SEC22C: variants seen among roughly 807,000 people sequenced by gnomAD.
SEC22C encodes the protein SEC22 homolog C, vesicle trafficking protein.
A neutral mutation model predicts 34.7 loss-of-function variants in SEC22C; 29 were observed. That is an observed-to-expected ratio of 0.84 (90% CI 0.62 to 1.14). The LOEUF (loss-of-function observed/expected upper bound fraction) is 1.14, where lower values mean the gene tolerates loss of function less well. Among genes scored for constraint, SEC22C ranks in the 50% most tolerant of loss-of-function variants. The pLI is 0.00. For missense variants in SEC22C, 337 were observed against 369.0 expected (o/e 0.91, Z 0.71); for synonymous variants, 117 against 132.8 (o/e 0.88, Z 0.82).
intron 1 of SEC22C, among the ~76,000 whole-genome samples, chr3:42,590,144 G>A (rs932814644): frequency 1.1e-4 from 17 of 152,210 alleles, no homozygotes; most frequent in Admixed American, 3.9e-4. Context: ...AGGCTATGTG[G>A]AAAAACGCGA....
At chr3:42,561,603 G>A (rs983926240) in intron 3 of SEC22C, among the ~76,000 whole-genome samples, 2 of 152,072 alleles carry the variant, frequency 1.3e-5, no homozygotes, top group African/African-American at 4.8e-5. Flanking sequence ...TGCCCAGGCT[G>A]GTCTCAAACT....
At chr3:42,590,807 A>G (rs1577372691) in intron 1 of SEC22C, 1 of 1,299,448 alleles carries the variant, frequency 7.7e-7, no homozygotes, top group South Asian at 1.2e-5. Flanking sequence ...CCCGCCCTGT[A>G]GGCGGGAGCA....
At chr3:42,574,108 G>GAAAAATAATAACCTTACCT (rs2125718967) in intron 1 of SEC22C, among the ~76,000 whole-genome samples, 1 of 152,192 alleles carries the variant, frequency 6.6e-6, no homozygotes, top group African/African-American at 2.4e-5. Context: ...AGCAGCAAGA[G>GAAAAATAATAACCTTACCT]AAAAATAATA....
At chr3:42,556,064 C>G in intron 5 of SEC22C, 69 bp from the exon 6 acceptor site, 1 of 1,203,410 alleles carries the variant, frequency 8.3e-7, no homozygotes, top group South Asian at 1.3e-5. Context: ...ACATAAAGCA[C>G]TTTACTCTGC....
intron 1 of SEC22C, among the ~76,000 whole-genome samples, chr3:42,600,047 A>C (rs557473634): frequency 6.6e-6 from 1 of 152,376 alleles, no homozygotes; most frequent in African/African-American, 2.4e-5. Flanking sequence ...AAAGATTTTC[A>C]TTCAGAGCAT....
chr3:42,591,301 C>A, intron 1 of SEC22C: 1 of 583,794 alleles, frequency 1.7e-6, no homozygotes, highest in Non-Finnish European at 3.0e-6. Flanking sequence ...TGGCTTCAAG[C>A]GAGTCTCCTG....
intron 1 of SEC22C, among the ~76,000 whole-genome samples, chr3:42,590,484 G>C (rs555955121): frequency 1.3e-4 from 20 of 152,258 alleles, no homozygotes; most frequent in African/African-American, 4.8e-4. Context: ...AAAATTAGAC[G>C]GGCGTGGTGG....
At chr3:42,559,544 A>G (rs1444530853) in intron 4 of SEC22C, among the ~76,000 whole-genome samples, 1 of 152,264 alleles carries the variant, frequency 6.6e-6, no homozygotes, top group Non-Finnish European at 1.5e-5. Context: ...ATGAGAGCCA[A>G]TCCAAGTATT....
chr3:42,572,542 C>T (rs1328846607), intron 1 of SEC22C, among the ~76,000 whole-genome samples: 1 of 152,194 alleles, frequency 6.6e-6, no homozygotes, highest in Non-Finnish European at 1.5e-5. Context: ...GAATTCCTAT[C>T]TCTCCCAGGC....
chr3:42,571,037 T>C (rs1331336052), intron 1 of SEC22C, among the ~76,000 whole-genome samples: 1 of 152,164 alleles, frequency 6.6e-6, no homozygotes, highest in Admixed American at 6.5e-5. Flanking sequence ...GCTGAGTAAA[T>C]TGTATGCCCC....
chr3:42,591,118 C>G (rs1704819236), intron 1 of SEC22C: 3 of 877,630 alleles, frequency 3.4e-6, no homozygotes, highest in Non-Finnish European at 5.4e-6. Context: ...GGCACGAAAT[C>G]AGCACAGGCG....
At chr3:42,583,725 T>A (rs763374557), upstream of SEC22C, among the ~76,000 whole-genome samples, 4 of 152,142 alleles carry the variant, frequency 2.6e-5, no homozygotes, top group Non-Finnish European at 4.4e-5. Flanking sequence ...AGGCACCACA[T>A]AATAGAACAA....
intron 1 of SEC22C, 128 bp from the exon 2 acceptor site, chr3:42,569,201 T>C: frequency 3.1e-6 from 2 of 650,706 alleles, no homozygotes; most frequent in South Asian, 2.0e-5. Flanking sequence ...GTTGCTTTTA[T>C]TGTTATTTCC....
chr3:42,553,219 C>A lies in SEC22C; in HGVS notation c.*29G>T, dbSNP rs768069798. 2 of 1,609,318 alleles carry A rather than the reference C, an allele frequency of 1.2e-6. No homozygotes were observed. Among genetic ancestry groups the A allele is most frequent in the Admixed American group, 1.7e-5 (1 of 59,526 alleles). ...CATAGATTGATCCTCAAAAGAAAAT[C>A]AAAGAATCCATTCATCACAGTGTCA... On this transcript the variant is annotated 3_prime_UTR_variant, in exon 7 of 7. Transcript: ENST00000264454.
Position 42,557,651 on chromosome 3 carries a change from G to T in SEC22C, c.572C>A (p.Ser191Tyr). Residue 191 changes from serine to tyrosine, a missense_variant, in exon 5 of 7, where the codon TCC becomes TAC. Transcript: ENST00000264454. ...MEPVTALGILSLILNIMCAAL... is the reference protein window; with the variant it reads ...MEPVTALGILYLILNIMCAAL... ...AGCACACATGATGTTGAGAATGAGG[G>T]AGAGGATACCCAGGGCTGTCACTGG... 1 of 1,586,158 alleles carries T rather than the reference G, an allele frequency of 6.3e-7. No homozygotes were observed. Among genetic ancestry groups the T allele is most frequent in the Non-Finnish European group, 8.7e-7 (1 of 1,155,924 alleles).
In SEC22C at chr3:42,550,816, C is replaced by G; in HGVS notation, c.*2432G>C. The G allele has an allele frequency of 1.0e-6, 1 of 984,812 alleles. No individual in the cohort carries two copies. The allele number at this position is 984,812 out of a possible 1,614,324, so 61.0% of individuals were successfully genotyped here. A position where few individuals can be genotyped will look rare whatever the true frequency, so the allele number is the denominator to read the frequency against. On this transcript the variant is annotated 3_prime_UTR_variant, in exon 7 of 7. Coordinates refer to ENST00000264454, the MANE Select transcript of SEC22C (RefSeq NM_032970.4). ...CTGGGGTACAGGTCTACATGGCAAC[C>G]CAATGCCACATAGGAAAAGAAAACA...
At chr3:42,558,061 A>G (rs2125699676) in intron 4 of SEC22C, among the ~76,000 whole-genome samples, 1 of 152,350 alleles carries the variant, frequency 6.6e-6, no homozygotes, top group East Asian at 1.9e-4. Context: ...ACAACTAGAG[A>G]CAGGCTGCTA....
intron 4 of SEC22C, 64 bp from the exon 5 acceptor site, chr3:42,557,760 G>A (rs1253621000): frequency 1.1e-4 from 87 of 814,022 alleles, no homozygotes; most frequent in Non-Finnish European, 1.7e-4. Flanking sequence ...AAAAATAAAC[G>A]AAGACATTAA....
chr3:42,548,660 G>A lies in SEC22C; in HGVS notation c.*4588C>T. The stretch of plus-strand genomic sequence containing the variant: ...CAGCAGAACCAGCTCCTTGGATCCT[G>A]GAATAAACCAAACATCAATGGTACC... On this transcript the variant is annotated 3_prime_UTR_variant, in exon 7 of 7. Coordinates refer to ENST00000264454, the MANE Select transcript of SEC22C (RefSeq NM_032970.4). The A allele has an allele frequency of 6.2e-7, 1 of 1,614,014 alleles. No individual in the cohort carries two copies. Among genetic ancestry groups the A allele is most frequent in the South Asian group, 1.1e-5 (1 of 91,056 alleles).
Sources: gnomAD v4.1 joint callset for allele counts (sites outside exome capture counted in the v4.1 genomes callset) on GRCh38, gnomAD v4.1.1 for gene constraint, MANE v1.5 for transcripts, NCBI Gene and HGNC (gene_info 2026-07-23, HGNC 2026-07-21) for gene names.